SYN2: variants seen among roughly 807,000 people sequenced by gnomAD.
SYN2 encodes synapsin II, also known as synapsin-2.
SYN2 carries 19 observed loss-of-function variants against 50.9 expected under a neutral mutation model. That is an observed-to-expected ratio of 0.37 (90% confidence interval 0.26 to 0.55). The LOEUF (loss-of-function observed/expected upper bound fraction) is 0.55, where lower values mean the gene tolerates loss of function less well. Ranked by LOEUF, SYN2 falls within the 20% of genes least tolerant of loss-of-function variation. The probability of loss-of-function intolerance (pLI) is 0.81; values close to 1 mark genes in which losing one functional copy is unlikely to be tolerated. For missense variants in SYN2, 587 were observed against 576.4 expected, an observed-to-expected ratio of 1.02 and a Z score of -0.19; for synonymous variants, 255 against 224.9, an observed-to-expected ratio of 1.13 and a Z score of -1.20.
chr3:12,148,199 C>G (rs1697197046), intron 4 of SYN2, among the ~76,000 whole-genome samples: 1 of 152,114 alleles, frequency 6.6e-6, no homozygotes, highest in African/African-American at 2.4e-5. Context: ...GAGCCTGTGG[C>G]TAGGGCTTTG....
In SYN2 at chr3:12,183,794, G is replaced by A. The variant is rs139604233; in HGVS notation, c.1369+422G>A. ...ATAATGTGGGGTGAAATGGGAGTAG[G>A]GGGGTGGACAGGGGAGAAACGAAAA... is the stretch of plus-strand genomic sequence containing the variant. On this transcript the variant is annotated intron_variant, in intron 11 of 12. Coordinates refer to ENST00000621198, the MANE Select transcript of SYN2 (RefSeq NM_133625.6). The A allele has an allele frequency of 4.7e-4, 494 of 1,054,926 alleles. No individual in the cohort carries two copies. The African/African-American group carries it at 7.9e-3, about 17-fold the overall frequency. The allele number at this position is 1,054,926 out of a possible 1,614,324, so 65.3% of individuals were successfully genotyped here. A position where few individuals can be genotyped will look rare whatever the true frequency, so the allele number is the denominator to read the frequency against.
Position 12,104,570 on chromosome 3 carries a change from C to CTTTT in SYN2, c.378-36062_378-36059dup, listed in dbSNP as rs796837275. On this transcript the variant is annotated intron_variant, in intron 1 of 12. Coordinates refer to ENST00000621198, the MANE Select transcript of SYN2 (RefSeq NM_133625.6). ...ATGTGAAACATTTTTCTTTTCTTTTCTTTTTTTTTTTTTTTTTTTTTTGAG... is the reference window on the plus strand; with the variant it reads ...ATGTGAAACATTTTTCTTTTCTTTTCTTTTTTTTTTTTTTTTTTTTTTTTTTGAG... 2.0e-3 allele frequency among the ~76,000 whole-genome samples: 160 copies of CTTTT among 81,702 alleles called. 4 individuals carry two copies. The highest frequency in any genetic ancestry group is 3.2e-3 in the African/African-American group (63 of 19,832). 53.6% of individuals were successfully genotyped at this position (81,702 alleles called of 152,430 possible).
chr3:12,157,010 A>G (rs1697478236), intron 5 of SYN2: 3 of 1,049,724 alleles, frequency 2.9e-6, no homozygotes, highest in African/African-American at 1.6e-5. Context: ...AAAACCTCTC[A>G]CTTCTCAGCC....
At chr3:12,022,100 C>A (rs1047658272) in intron 1 of SYN2, among the ~76,000 whole-genome samples, 2 of 150,130 alleles carry the variant, frequency 1.3e-5, no homozygotes, top group South Asian at 2.1e-4. Context: ...AAAAGAGGTT[C>A]TTTCAGCTAA....
At position 12,167,268 on chromosome 3, in the gene SYN2, A is replaced by G. The variant is rs759563134; in HGVS notation, c.1015A>G (p.Thr339Ala). The change falls in exon 8 of 13, where the codon ACT becomes GCT. Residue 339 changes from threonine to alanine, a missense_variant. Transcript: ENST00000621198. ...TSISGNWKTN[T>A]GSAMLEQIAM... ...GATCTCAGGGAACTGGAAGACGAAC[A>G]CTGGCTCTGCGATGCTGGAGCAGAT... 16 of 1,613,068 alleles carry G rather than the reference A, an allele frequency of 9.9e-6. No individual in the cohort carries two copies. The South Asian group carries it at 1.3e-4, about 13-fold the overall frequency.
At chr3:12,123,856 A>T (rs1365300768) in intron 1 of SYN2, among the ~76,000 whole-genome samples, 1 of 152,024 alleles carries the variant, frequency 6.6e-6, no homozygotes, top group African/African-American at 2.4e-5. Flanking sequence ...AAAAAATACA[A>T]AAAAATCAGC....
At chr3:12,044,336 A>G (rs1694691610) in intron 1 of SYN2, among the ~76,000 whole-genome samples, 1 of 152,160 alleles carries the variant, frequency 6.6e-6, no homozygotes. Flanking sequence ...GTAGAATATC[A>G]TATTCATTTT....
At chr3:12,014,509 CCACAATA>C (rs1183883690) in intron 1 of SYN2, among the ~76,000 whole-genome samples, 1 of 152,088 alleles carries the variant, frequency 6.6e-6, no homozygotes, top group Non-Finnish European at 1.5e-5. Flanking sequence ...CCATAGCAGC[CCACAATA>C]CTGGAAAGTA....
chr3:12,054,467 C>A (rs192548902), intron 1 of SYN2, among the ~76,000 whole-genome samples: 189 of 152,204 alleles, frequency 1.2e-3, no homozygotes, highest in African/African-American at 4.4e-3. Context: ...ACTCTGGTGG[C>A]CCCTGAAGGC....
intron 1 of SYN2, among the ~76,000 whole-genome samples, chr3:12,107,240 A>G (rs1190820366): frequency 6.6e-6 from 1 of 152,254 alleles, no homozygotes; most frequent in Non-Finnish European, 1.5e-5. Flanking sequence ...CATTTCCTCC[A>G]GATATCCAGA....
intron 1 of SYN2, among the ~76,000 whole-genome samples, chr3:12,051,588 G>A (rs1245028664): frequency 1.3e-5 from 2 of 152,142 alleles, no homozygotes; most frequent in East Asian, 3.8e-4. Flanking sequence ...CCTATAGTCT[G>A]CCGCCTTCAT....
At position 12,164,991 on chromosome 3, in the gene SYN2, T is replaced by C. The variant is rs1312446305; in HGVS notation, c.981-2243T>C. 2.8e-5 allele frequency among the ~76,000 whole-genome samples: 4 copies of C among 141,644 alleles called. No homozygotes were observed. The East Asian group carries it at 6.0e-4, about 21-fold the overall frequency. The allele number at this position is 141,644 out of a possible 152,430, so 92.9% of individuals were successfully genotyped here. A position where few individuals can be genotyped will look rare whatever the true frequency, so the allele number is the denominator to read the frequency against. On this transcript the variant is annotated intron_variant, in intron 7 of 12. Coordinates refer to ENST00000621198, the MANE Select transcript of SYN2 (RefSeq NM_133625.6). ...TCTTCCTTTTTTTCTTTTCTTTTTTTTTTTTTTTTTTTTTGAGACAGAGTC... is the reference window on the plus strand; with the variant it reads ...TCTTCCTTTTTTTCTTTTCTTTTTTCTTTTTTTTTTTTTTGAGACAGAGTC...
At chr3:12,012,524 C>G (rs1261997656) in intron 1 of SYN2, among the ~76,000 whole-genome samples, 1 of 152,180 alleles carries the variant, frequency 6.6e-6, no homozygotes, top group Non-Finnish European at 1.5e-5. Flanking sequence ...CACAGTTTGC[C>G]TCCAGCTTTT....
intron 1 of SYN2, among the ~76,000 whole-genome samples, chr3:12,028,210 A>AT (rs1458791250): frequency 1.3e-5 from 2 of 151,692 alleles, no homozygotes; most frequent in Non-Finnish European, 2.9e-5. Context: ...TGAACTCATC[A>AT]TTTTTTATGG....
At chr3:12,073,335 C>G (rs1405298529) in intron 1 of SYN2, among the ~76,000 whole-genome samples, 1 of 152,128 alleles carries the variant, frequency 6.6e-6, no homozygotes, top group African/African-American at 2.4e-5. Flanking sequence ...ACATAGAGGC[C>G]TAAGTGCTTC....
chr3:12,122,863 A>G (rs1223809367), intron 1 of SYN2, among the ~76,000 whole-genome samples: 4 of 152,202 alleles, frequency 2.6e-5, no homozygotes, highest in African/African-American at 9.7e-5. Context: ...TTAAAATTGT[A>G]GGAACAAGAA....
At chr3:12,183,259 G>A in intron 10 of SYN2, 53 bp from the exon 11 acceptor site, 2 of 1,571,286 alleles carry the variant, frequency 1.3e-6, no homozygotes, top group Non-Finnish European at 1.7e-6. Context: ...GTTTCTCTTT[G>A]GAATTCAGTG....
intron 9 of SYN2, among the ~76,000 whole-genome samples, chr3:12,169,114 C>T (rs1697878528): frequency 6.6e-6 from 1 of 152,148 alleles, no homozygotes; most frequent in African/African-American, 2.4e-5. Context: ...GGTCTATAAC[C>T]TTCTAAATGG....
chr3:12,180,238 A>C (rs1465600771), intron 10 of SYN2, among the ~76,000 whole-genome samples: 3 of 117,884 alleles, frequency 2.5e-5, no homozygotes, highest in African/African-American at 2.6e-5. Context: ...CGTGAGCCGC[A>C]CCCAGCTGGG....
Sources: allele counts gnomAD v4.1 joint callset (sites outside exome capture counted in the v4.1 genomes callset), GRCh38; gene constraint gnomAD v4.1.1; transcripts MANE v1.5; gene names NCBI Gene and HGNC (gene_info 2026-07-23, HGNC 2026-07-21).